TRIM42: variants seen among roughly 807,000 people sequenced by gnomAD.
The protein encoded by TRIM42 is tripartite motif-containing protein 42.
TRIM42 carries 59 observed loss-of-function variants against 64.9 expected under a neutral mutation model. The ratio of observed to expected loss-of-function variants is 0.91; its 90% CI spans 0.74 to 1.13. The LOEUF is 1.13. TRIM42 is among the 50% of genes most tolerant of loss of function. TRIM42 has a pLI of 0.00. For synonymous variants in TRIM42, 354 were observed against 346.3 expected (o/e 1.02, Z -0.25); for missense variants, 878 against 929.5 (o/e 0.94, Z 0.72).
chr3:140,688,227 G>A lies in TRIM42; in HGVS notation c.1545G>A (p.Met515Ile), dbSNP rs1299962595. 1 of 1,614,182 alleles carries A rather than the reference G, an allele frequency of 6.2e-7. No individual in the cohort carries two copies. ...PSPYPVHSET[M>I]IARKVTFSTH... Reference sequence around the variant, plus strand: ...CCTACCCCGTGCACTCAGAAACAATGATTGCCAGGAAGGTCACTTTCAGCA... The same window carrying A: ...CCTACCCCGTGCACTCAGAAACAATAATTGCCAGGAAGGTCACTTTCAGCA... Residue 515 changes from methionine (M) to isoleucine (I), a missense_variant, in exon 3 of 5, where the codon ATG becomes ATA. Physicochemically the swap from Met to Ile is conservative, Grantham distance 10 (BLOSUM62 1). Transcript: ENST00000286349.
chr3:140,678,182 A>G lies in TRIM42; in HGVS notation c.-48A>G, dbSNP rs776761052. ...AGAACTGATAGCAGTATTCTGGTAGAGGAGGCATCAAGAGTCCTGGGAGGC... is the reference window on the plus strand; with the variant it reads ...AGAACTGATAGCAGTATTCTGGTAGGGGAGGCATCAAGAGTCCTGGGAGGC... On this transcript the variant is annotated 5_prime_UTR_variant, in exon 1 of 5. Transcript: ENST00000286349. 4 of 1,495,296 alleles carry G rather than the reference A, an allele frequency of 2.7e-6. No individual in the cohort carries two copies. Among genetic ancestry groups the G allele is most frequent in the Non-Finnish European group, 3.7e-6 (4 of 1,081,290 alleles). 92.6% of individuals were successfully genotyped at this position (1,495,296 alleles called of 1,614,324 possible).
Position 140,683,018 on chromosome 3 carries a change from G to A in TRIM42, c.898G>A (p.Glu300Lys). 6.2e-7 allele frequency: 1 copy of A among 1,614,136 alleles called. No individual in the cohort carries two copies. The highest frequency in any genetic ancestry group is 8.5e-7 in the Non-Finnish European group (1 of 1,180,038). Residue 300 changes from glutamate to lysine, a missense_variant, in exon 2 of 5, where the codon GAG becomes AAG. By Grantham distance (56) the Glu-to-Lys change is moderately conservative (BLOSUM62 1). Coordinates refer to ENST00000286349, the MANE Select transcript of TRIM42 (RefSeq NM_152616.5). ...CCACCACCCATCCAGCCGCATCATC[G>A]AGTACTGCCGCAATGACAACAAATT... ...CIHHPSSRII[E>K]YCRNDNKLLC...
intron 4 of TRIM42, among the ~76,000 whole-genome samples, chr3:140,699,667 G>A (rs772017399): frequency 6.6e-6 from 1 of 152,066 alleles, no homozygotes; most frequent in African/African-American, 2.4e-5. Flanking sequence ...CTAACACCTC[G>A]TAACACCGTT....
chr3:140,687,606 T>C, intron 2 of TRIM42, 116 bp from the exon 3 acceptor site: 1 of 750,206 alleles, frequency 1.3e-6, no homozygotes. Context: ...ACAAGTGCCT[T>C]CCCTCCCTCT....
In TRIM42 at chr3:140,682,627, C is replaced by T. The variant is rs138358928; in HGVS notation, c.507C>T (p.Cys169=). 4.2e-5 allele frequency: 67 copies of T among 1,614,172 alleles called. No homozygotes were observed. In the African/African-American group the frequency reaches 8.0e-4, roughly 19 times the overall value. Residue 169 remains cysteine (C), a synonymous_variant, in exon 2 of 5, where the codon TGC becomes TGT. Transcript: ENST00000286349. ...LPCNHSLCEK[C]LRQLQKHAEV... ...GCAACCACAGCCTGTGCGAGAAGTG[C>T]CTGCGGCAGCTGCAGAAGCACGCCG...
chr3:140,683,356 T>C (rs1400205246), intron 2 of TRIM42, among the ~76,000 whole-genome samples, 197 bp downstream of exon 2: 1 of 152,116 alleles, frequency 6.6e-6, no homozygotes, highest in Non-Finnish European at 1.5e-5. Flanking sequence ...GCCACTTAAC[T>C]TCCCCGTGCC....
chr3:140,693,103 G>A (rs1268370093), intron 4 of TRIM42, among the ~76,000 whole-genome samples: 1 of 152,136 alleles, frequency 6.6e-6, no homozygotes, highest in Non-Finnish European at 1.5e-5. Context: ...TATTGAATGA[G>A]TATATGAGTG....
At chr3:140,680,997 G>T (rs1019341320) in intron 1 of TRIM42, among the ~76,000 whole-genome samples, 81 of 152,316 alleles carry the variant, frequency 5.3e-4, no homozygotes, top group African/African-American at 1.9e-3. Flanking sequence ...AGAGGAGATA[G>T]CAATAGCAGC....
intron 1 of TRIM42, among the ~76,000 whole-genome samples, chr3:140,680,966 T>C (rs1988378980): frequency 6.6e-6 from 1 of 152,200 alleles, no homozygotes; most frequent in Non-Finnish European, 1.5e-5. Flanking sequence ...GAGATTAGTA[T>C]CCAAATATTA....
At chr3:140,688,709 C>T (rs1057262373) in intron 3 of TRIM42, among the ~76,000 whole-genome samples, 167 bp downstream of exon 3, 4 of 152,200 alleles carry the variant, frequency 2.6e-5, no homozygotes, top group African/African-American at 9.6e-5. Context: ...GGATAAGCTC[C>T]TGGAATCTTA....
chr3:140,682,752 A>G lies in TRIM42; in HGVS notation c.632A>G (p.His211Arg). ...ATGCAGCTGCCCGAGAACTACCTGC[A>G]CGGGCGTCTCACCAAGCGCTACATG... The part of the protein sequence containing the change: ...NKMQLPENYL[H>R]GRLTKRYMQE... Residue 211 changes from histidine (H) to arginine (R), a missense_variant, in exon 2 of 5, where the codon CAC (histidine) becomes CGC (arginine). Transcript: ENST00000286349. 4 of 1,613,092 alleles carry G rather than the reference A, an allele frequency of 2.5e-6. No homozygotes were observed. The highest frequency in any genetic ancestry group is 3.4e-6 in the Non-Finnish European group (4 of 1,180,020).
At chr3:140,685,042 T>C (rs952139702) in intron 2 of TRIM42, among the ~76,000 whole-genome samples, 1 of 152,222 alleles carries the variant, frequency 6.6e-6, no homozygotes, top group South Asian at 2.1e-4. Context: ...AAGGGATAAT[T>C]GGTAAATTAG....
At chr3:140,687,194 T>C (rs1165086324) in intron 2 of TRIM42, among the ~76,000 whole-genome samples, 1 of 152,164 alleles carries the variant, frequency 6.6e-6, no homozygotes, top group Non-Finnish European at 1.5e-5. Context: ...AAAGGGCATC[T>C]AAGAGAGCCA....
intron 2 of TRIM42, among the ~76,000 whole-genome samples, chr3:140,685,150 T>A (rs3913019): frequency 0.45 from 68,627 of 152,066 alleles, 16,909 homozygotes; most frequent in Non-Finnish European, 0.56. Flanking sequence ...TCGTGAGCAT[T>A]TGATTCACTT....
chr3:140,701,006 C>T lies in TRIM42; in HGVS notation c.*32C>T. 6.3e-7 allele frequency: 1 copy of T among 1,591,062 alleles called. No individual in the cohort carries two copies. The highest frequency in any genetic ancestry group is 1.7e-5 in the Admixed American group (1 of 59,434). ...TCAGAGCAGGAAACAACCTCAGACT[C>T]ATCACAAAGTAGACATATACACACA... On this transcript the variant is annotated 3_prime_UTR_variant, in exon 5 of 5. Coordinates refer to ENST00000286349, the MANE Select transcript of TRIM42 (RefSeq NM_152616.5).
At chr3:140,679,455 T>A (rs894351210) in intron 1 of TRIM42, among the ~76,000 whole-genome samples, 6 of 152,194 alleles carry the variant, frequency 3.9e-5, no homozygotes, top group African/African-American at 1.4e-4. Context: ...ATGACAGGAT[T>A]AGAAGAGGCA....
intron 4 of TRIM42, among the ~76,000 whole-genome samples, chr3:140,694,690 CA>C (rs1266456781): frequency 6.6e-6 from 1 of 152,214 alleles, no homozygotes; most frequent in Non-Finnish European, 1.5e-5. Flanking sequence ...AAATGGGTCT[CA>C]CTGGGTAAAA....
At chr3:140,683,221 C>T (rs1988462501) in intron 2 of TRIM42, 62 bp downstream of exon 2, 2 of 1,549,452 alleles carry the variant, frequency 1.3e-6, no homozygotes, top group East Asian at 2.3e-5. Context: ...GGGAAGATGG[C>T]GTGGGGTAAT....
chr3:140,700,168 G>C (rs1411271144), intron 4 of TRIM42, among the ~76,000 whole-genome samples: 1 of 152,174 alleles, frequency 6.6e-6, no homozygotes, highest in Non-Finnish European at 1.5e-5. Flanking sequence ...GTATCTTCAA[G>C]GTAAGGCATG....
Sources: allele counts gnomAD v4.1 joint callset (sites outside exome capture counted in the v4.1 genomes callset), GRCh38; gene constraint gnomAD v4.1.1; transcripts MANE v1.5; gene names NCBI Gene and HGNC (gene_info 2026-07-23, HGNC 2026-07-21).